Variants in ZMAT3 observed in about 807,000 individuals in gnomAD.
The protein encoded by ZMAT3 is zinc finger matrin-type protein 3.
A neutral mutation model predicts 32.3 loss-of-function variants in ZMAT3; 17 were observed. The ratio of observed to expected loss-of-function variants is 0.53; its 90% CI spans 0.36 to 0.79. The LOEUF (loss-of-function observed/expected upper bound fraction) is 0.79, where lower values mean the gene tolerates loss of function less well. ZMAT3 is among the 30% of genes least tolerant of loss of function. The probability of loss-of-function intolerance (pLI) is 0.00; values close to 1 mark genes in which losing one functional copy is unlikely to be tolerated. For missense variants in ZMAT3, 329 were observed against 359.7 expected, an observed-to-expected ratio of 0.91 and a Z score of 0.69; for synonymous variants, 120 against 133.1, an observed-to-expected ratio of 0.90 and a Z score of 0.68.
chr3:179,068,807 T>C (rs1721558382), intron 1 of ZMAT3, among the ~76,000 whole-genome samples: 1 of 152,232 alleles, frequency 6.6e-6, no homozygotes, highest in African/African-American at 2.4e-5. Context: ...TACAGTTTTG[T>C]TTTCATTTTT....
Position 179,019,656 on chromosome 3 carries a change from C to T in ZMAT3, c.*5361G>A, listed in dbSNP as rs1436083912. 3 of 152,080 alleles carry T rather than the reference C, an allele frequency of 2.0e-5. No individual in the cohort carries two copies. Among genetic ancestry groups the T allele is most frequent in the African/African-American group, 7.2e-5 (3 of 41,408 alleles). 9.4% of individuals were successfully genotyped at this position (152,080 alleles called of 1,614,324 possible). A position where few individuals can be genotyped will look rare whatever the true frequency, so the allele number is the denominator to read the frequency against. Reference sequence around the variant, plus strand: ...AGTCTAGCAGGGCGTTTCTAAGATTCTAAGTAGTCAGGCAATTTAGAATTT... The same window carrying T: ...AGTCTAGCAGGGCGTTTCTAAGATTTTAAGTAGTCAGGCAATTTAGAATTT... On this transcript the variant is annotated 3_prime_UTR_variant, in exon 6 of 6. Transcript: ENST00000311417.
chr3:179,049,157 G>A (rs1720406106), intron 2 of ZMAT3, among the ~76,000 whole-genome samples: 1 of 152,182 alleles, frequency 6.6e-6, no homozygotes, highest in African/African-American at 2.4e-5. Flanking sequence ...TAATACTGGA[G>A]CTTCCAAACT....
chr3:179,027,354 T>C (rs2108535671), intron 5 of ZMAT3, 69 bp downstream of exon 5: 1 of 1,383,162 alleles, frequency 7.2e-7, no homozygotes, highest in Middle Eastern at 1.8e-4. Context: ...CTATTATCAT[T>C]AAAAGAAATA....
rs959076363 is a variant in ZMAT3 at position 179,046,039 on chromosome 3, T to A, written c.271-15040A>T. ...CAGGCAACTATGCAGAAGAGCTCTA[T>A]GACAGGGAGCAGAGAAATCCGGCAT... On this transcript the variant is annotated intron_variant, in intron 2 of 5. Coordinates refer to ENST00000311417, the MANE Select transcript of ZMAT3 (RefSeq NM_022470.4). This position sits in a 1 kb window ranked among gnomAD's most constrained non-coding sequence, Gnocchi z 4.3. Among the ~76,000 whole-genome samples, 1 of 152,152 alleles carries A rather than the reference T, an allele frequency of 6.6e-6. No individual in the cohort carries two copies. Among genetic ancestry groups the A allele is most frequent in the Admixed American group, 6.5e-5 (1 of 15,278 alleles).
chr3:179,057,865 CAGAA>C (rs996975344), intron 2 of ZMAT3, among the ~76,000 whole-genome samples: 40 of 152,228 alleles, frequency 2.6e-4, no homozygotes, highest in Non-Finnish European at 1.3e-4. Context: ...TAAGGAAACT[CAGAA>C]AGCCAATACC....
Position 179,020,062 on chromosome 3 carries a change from T to C in ZMAT3, c.*4955A>G, listed in dbSNP as rs1718465858. On this transcript the variant is annotated 3_prime_UTR_variant, in exon 6 of 6. Transcript: ENST00000311417. Reference sequence around the variant, plus strand: ...AGTTTTACTTGATATCAAATTGACATTTATTTAAAAAAGGGAAAAAAAAGA... The same window carrying C: ...AGTTTTACTTGATATCAAATTGACACTTATTTAAAAAAGGGAAAAAAAAGA... 6.6e-6 allele frequency: 1 copy of C among 152,156 alleles called. No individual in the cohort carries two copies. 9.4% of individuals were successfully genotyped at this position (152,156 alleles called of 1,614,324 possible).
intron 2 of ZMAT3, among the ~76,000 whole-genome samples, chr3:179,050,287 G>A (rs1377075897): frequency 1.3e-5 from 2 of 151,880 alleles, no homozygotes; most frequent in Non-Finnish European, 2.9e-5. Flanking sequence ...GAAATGAAAT[G>A]GGAGATATTA....
chr3:179,017,298 T>A lies in ZMAT3; in HGVS notation c.*7719A>T, dbSNP rs1718324001. 1 of 152,134 alleles carries A rather than the reference T, an allele frequency of 6.6e-6. No homozygotes were observed. The highest frequency in any genetic ancestry group is 2.4e-5 in the African/African-American group (1 of 41,428). 9.4% of individuals were successfully genotyped at this position (152,134 alleles called of 1,614,324 possible). A position where few individuals can be genotyped will look rare whatever the true frequency, so the allele number is the denominator to read the frequency against. ...GTGTTATAATAATGTCAAGCCTTTA[T>A]CAGAAATCAGTACATAAGTGAGGAT... On this transcript the variant is annotated 3_prime_UTR_variant, in exon 6 of 6. Coordinates refer to ENST00000311417, the MANE Select transcript of ZMAT3 (RefSeq NM_022470.4).
In ZMAT3 at chr3:179,064,232, C is replaced by A. The variant is rs1005017382; in HGVS notation, c.270+3251G>T. ...TGTTTCTAGCTCATAAACAGGCTAC[C>A]CGTGACCCATTTTATCTCACACATA... On this transcript the variant is annotated intron_variant, in intron 2 of 5. Transcript: ENST00000311417. 2.0e-5 allele frequency among the ~76,000 whole-genome samples: 3 copies of A among 152,180 alleles called. No individual in the cohort carries two copies. The East Asian group carries it at 5.8e-4, about 29-fold the overall frequency.
At chr3:179,029,219 T>C (rs1380406373) in intron 3 of ZMAT3, among the ~76,000 whole-genome samples, 2 of 151,678 alleles carry the variant, frequency 1.3e-5, no homozygotes, top group East Asian at 3.9e-4. Context: ...TGTAACACCA[T>C]GGAAAGTTAC....
At chr3:179,055,247 C>T (rs1720775719) in intron 2 of ZMAT3, among the ~76,000 whole-genome samples, 2 of 152,172 alleles carry the variant, frequency 1.3e-5, no homozygotes, top group South Asian at 4.1e-4. Context: ...TTCTGCAGTA[C>T]CGCCTGGCCA....
intron 2 of ZMAT3, among the ~76,000 whole-genome samples, chr3:179,047,575 G>A (rs1012088124): frequency 3.3e-5 from 5 of 151,706 alleles, no homozygotes; most frequent in South Asian, 2.1e-4. Context: ...GCACCAGGCC[G>A]AGCGTGGTGG....
chr3:179,031,319 T>C (rs940993915), intron 2 of ZMAT3, among the ~76,000 whole-genome samples: 2 of 151,140 alleles, frequency 1.3e-5, no homozygotes, highest in Admixed American at 6.6e-5. Flanking sequence ...ATATCTCCTA[T>C]GGATAAAAAA....
intron 2 of ZMAT3, among the ~76,000 whole-genome samples, chr3:179,037,203 G>C (rs1489978856): frequency 6.6e-6 from 1 of 152,146 alleles, no homozygotes. Flanking sequence ...CCCATTCACT[G>C]AGCTGCGGGT....
At chr3:179,048,731 G>A (rs184663123) in intron 2 of ZMAT3, among the ~76,000 whole-genome samples, 61 of 144,548 alleles carry the variant, frequency 4.2e-4, no homozygotes, top group African/African-American at 1.6e-3. Flanking sequence ...AATCTCACAG[G>A]ACCTATAAAA....
chr3:179,029,063 G>A (rs1316285149), intron 3 of ZMAT3, among the ~76,000 whole-genome samples: 1 of 151,962 alleles, frequency 6.6e-6, no homozygotes, highest in Non-Finnish European at 1.5e-5. Flanking sequence ...AGGAGGCTGA[G>A]GCAAGAGAAT....
At chr3:179,055,662 C>A (rs974417052) in intron 2 of ZMAT3, among the ~76,000 whole-genome samples, 2 of 152,186 alleles carry the variant, frequency 1.3e-5, no homozygotes, top group South Asian at 4.1e-4. Flanking sequence ...CTCTCTCAGA[C>A]TTAAAGCAAA....
chr3:179,035,383 C>T (rs1719529921), intron 2 of ZMAT3, among the ~76,000 whole-genome samples: 1 of 152,202 alleles, frequency 6.6e-6, no homozygotes, highest in Non-Finnish European at 1.5e-5. Flanking sequence ...GGCCTTTGTA[C>T]TTAACTGTTC....
At chr3:179,034,703 C>T (rs905348551) in intron 2 of ZMAT3, among the ~76,000 whole-genome samples, 5 of 152,180 alleles carry the variant, frequency 3.3e-5, no homozygotes, top group African/African-American at 9.7e-5. Context: ...CTCCATAGAA[C>T]TTTCTCATCA....
Sources: gnomAD v4.1 joint callset for allele counts (sites outside exome capture counted in the v4.1 genomes callset) on GRCh38, gnomAD v4.1.1 for gene constraint, Gnocchi (gnomAD v3.1) non-coding constraint, MANE v1.5 for transcripts, NCBI Gene and HGNC (gene_info 2026-07-23, HGNC 2026-07-21) for gene names.